Variants in ASIC2 observed in about 807,000 individuals in gnomAD.
ASIC2 encodes acid sensing ion channel subunit 2, also known as acid-sensing ion channel 2.
ASIC2 carries 25 observed loss-of-function variants against 57.3 expected under a neutral mutation model. That is an observed-to-expected ratio of 0.44 (90% CI 0.32 to 0.61). The LOEUF (loss-of-function observed/expected upper bound fraction) is 0.61. Ranked by LOEUF, ASIC2 falls within the 20% of genes least tolerant of loss-of-function variation. ASIC2 has a pLI of 0.06. For missense variants in ASIC2, 641 were observed against 738.1 expected, an observed-to-expected ratio of 0.87 and a Z score of 1.52; for synonymous variants, 319 against 307.5, an observed-to-expected ratio of 1.04 and a Z score of -0.39.
At chr17:33,771,249 G>A (rs1354238556) in intron 1 of ASIC2, among the ~76,000 whole-genome samples, 1 of 152,198 alleles carries the variant, frequency 6.6e-6, no homozygotes, top group Non-Finnish European at 1.5e-5. Context: ...ACAAACAGCA[G>A]TTATGGAGAC....
chr17:33,558,007 C>T (rs3859281), intron 1 of ASIC2, among the ~76,000 whole-genome samples: 85,732 of 151,440 alleles, frequency 0.57, 25,422 homozygotes, highest in African/African-American at 0.75. Flanking sequence ...AGAAAATTTA[C>T]ATTTATAATA....
At position 33,217,607 on chromosome 17, in the gene ASIC2, A is replaced by G. The variant is rs112149747; in HGVS notation, c.708+73801T>C. Among the ~76,000 whole-genome samples the G allele has an allele frequency of 4.6e-5, 7 of 152,240 alleles. 1 individual carries two copies. The highest frequency in any genetic ancestry group is 1.7e-4 in the African/African-American group (7 of 41,550). ...CCCCGGAGTAGCACCTTGTAAACCA[A>G]AGAAAGGAACTGACAGCTTGGGTCG... On this transcript the variant is annotated intron_variant, in intron 1 of 9. Coordinates refer to ENST00000225823, the MANE Select transcript of ASIC2 (RefSeq NM_183377.2).
At chr17:33,918,300 A>C (rs1225704241) in intron 1 of ASIC2, among the ~76,000 whole-genome samples, 5 of 152,134 alleles carry the variant, frequency 3.3e-5, no homozygotes, top group Non-Finnish European at 5.9e-5. Flanking sequence ...TCCACCTGGC[A>C]CTTTCCACTT....
At chr17:33,603,647 G>A in intron 1 of ASIC2, among the ~76,000 whole-genome samples, 1 of 152,192 alleles carries the variant, frequency 6.6e-6, no homozygotes, top group East Asian at 1.9e-4. Flanking sequence ...AAAAGGAGAA[G>A]TCAAAACTGG....
intron 1 of ASIC2, among the ~76,000 whole-genome samples, chr17:34,117,600 G>A (rs1286842111): frequency 3.3e-5 from 5 of 152,186 alleles, no homozygotes; most frequent in African/African-American, 7.2e-5. Context: ...TTAAAGAGAC[G>A]TGACTGCAAT....
At chr17:33,166,177 TA>T (rs1315131037) in intron 1 of ASIC2, among the ~76,000 whole-genome samples, 1 of 152,258 alleles carries the variant, frequency 6.6e-6, no homozygotes, top group East Asian at 1.9e-4. Context: ...ACAATTGCTC[TA>T]ATCTTTTATT....
At chr17:33,418,028 ATGTGTGTGTGTGTGTGTGTG>A (rs1161141315) in intron 1 of ASIC2, among the ~76,000 whole-genome samples, 18 of 67,752 alleles carry the variant, frequency 2.7e-4, no homozygotes, top group Non-Finnish European at 5.9e-4. Context: ...GCATGTATGT[ATGTGTGTGTGTGTGTGTGTG>A]TGTGTGTGTG....
Position 33,111,950 on chromosome 17 carries a change from G to C in ASIC2, c.826C>G (p.Gln276Glu). ...NGLEIMLDIQ[Q>E]DEYLPIWGET... ...CCCCAGATGGGCAGGTACTCATCCT[G>C]CTGAATGTCCAGCATGATCTCCAGC... The change falls in exon 2 of 10, where the codon CAG (glutamine) becomes GAG (glutamate). Residue 276 changes from glutamine (Q) to glutamate (E), a missense_variant. Physicochemically the swap from Gln to Glu is conservative, Grantham distance 29. This residue lies in a region of ASIC2 where 382 missense variants were observed against 398.0 expected (regional missense o/e 0.96). Coordinates refer to ENST00000225823, the MANE Select transcript of ASIC2 (RefSeq NM_183377.2). 6.2e-7 allele frequency: 1 copy of C among 1,613,852 alleles called. No individual in the cohort carries two copies. The highest frequency in any genetic ancestry group is 8.5e-7 in the Non-Finnish European group (1 of 1,179,878).
intron 1 of ASIC2, among the ~76,000 whole-genome samples, chr17:33,824,809 C>T (rs1260653410): frequency 1.3e-5 from 2 of 152,206 alleles, no homozygotes; most frequent in East Asian, 1.9e-4. Context: ...GCTCTTCCTT[C>T]GTCTTTTGCC....
intron 1 of ASIC2, among the ~76,000 whole-genome samples, chr17:33,266,339 A>G (rs1230808363): frequency 2.0e-5 from 3 of 152,188 alleles, no homozygotes; most frequent in African/African-American, 7.2e-5. Flanking sequence ...TGACTCAGGG[A>G]AGGCATTCAA....
At chr17:33,551,294 G>A (rs1179573394) in intron 1 of ASIC2, among the ~76,000 whole-genome samples, 3 of 152,104 alleles carry the variant, frequency 2.0e-5, no homozygotes, top group South Asian at 2.1e-4. Flanking sequence ...AAAGATTCTG[G>A]TGGTGGTGGC....
At chr17:34,045,234 T>C (rs754292633) in intron 1 of ASIC2, among the ~76,000 whole-genome samples, 27 of 152,010 alleles carry the variant, frequency 1.8e-4, no homozygotes, top group Non-Finnish European at 2.5e-4. Flanking sequence ...CCAACACAGG[T>C]AGTAATATTC....
intron 1 of ASIC2, among the ~76,000 whole-genome samples, chr17:33,407,405 T>C (rs944984779): frequency 2.0e-5 from 3 of 152,202 alleles, no homozygotes; most frequent in African/African-American, 7.2e-5. Context: ...TTATTAACTG[T>C]GTAGTATCTT....
At chr17:33,738,912 C>A (rs1368517584) in intron 1 of ASIC2, among the ~76,000 whole-genome samples, 1 of 152,180 alleles carries the variant, frequency 6.6e-6, no homozygotes, top group Non-Finnish European at 1.5e-5. Flanking sequence ...CCCTAGGAAG[C>A]TTTGACCCAG....
chr17:33,753,074 G>A (rs1226984350), intron 1 of ASIC2, among the ~76,000 whole-genome samples: 1 of 152,174 alleles, frequency 6.6e-6, no homozygotes, highest in African/African-American at 2.4e-5. Context: ...TCCTTTAATA[G>A]GTGGATGAAT....
chr17:33,548,982 TG>T (rs1295677224), intron 1 of ASIC2, among the ~76,000 whole-genome samples: 1 of 152,142 alleles, frequency 6.6e-6, no homozygotes, highest in African/African-American at 2.4e-5. Context: ...TACCCCCAGA[TG>T]TAACACCATG....
In ASIC2 at chr17:33,126,581, TC is replaced by T. The variant is rs546669486; in HGVS notation, c.709-14515del. On this transcript the variant is annotated intron_variant, in intron 1 of 9. Coordinates refer to ENST00000225823, the MANE Select transcript of ASIC2 (RefSeq NM_183377.2). ...GGGGAGATCACTTAGGGTCAGGAGTTCAAGACCAGCCTGGACAAGATGGCGA... is the reference window on the plus strand; with the variant it reads ...GGGGAGATCACTTAGGGTCAGGAGTTAAGACCAGCCTGGACAAGATGGCGA... 5.5e-4 allele frequency among the ~76,000 whole-genome samples: 84 copies of T among 152,110 alleles called. 1 individual carries two copies. In the South Asian group the frequency reaches 0.016, roughly 29 times the overall value.
intron 1 of ASIC2, among the ~76,000 whole-genome samples, chr17:33,165,887 A>C (rs1053838295): frequency 1.3e-5 from 2 of 152,128 alleles, no homozygotes; most frequent in Admixed American, 1.3e-4. Context: ...CCAATCATTC[A>C]CTCAGTAATT....
intron 1 of ASIC2, among the ~76,000 whole-genome samples, chr17:33,570,441 C>A (rs1289512144): frequency 1.3e-5 from 2 of 152,216 alleles, no homozygotes; most frequent in Non-Finnish European, 2.9e-5. Context: ...AGGAAGGGTG[C>A]ATGTTAGGCT....
Sources: gnomAD v4.1 joint callset for allele counts (sites outside exome capture counted in the v4.1 genomes callset) on GRCh38, gnomAD v4.1.1 for gene constraint, gnomAD v4.1.1 regional missense constraint, MANE v1.5 for transcripts, NCBI Gene and HGNC (gene_info 2026-07-23, HGNC 2026-07-21) for gene names.